NCAPG: variants seen among roughly 807,000 people sequenced by gnomAD.
The protein encoded by NCAPG is condensin complex subunit 3.
NCAPG carries 69 observed loss-of-function variants against 113.1 expected under a neutral mutation model. The ratio of observed to expected loss-of-function variants is 0.61; its 90% CI spans 0.50 to 0.75. The LOEUF (loss-of-function observed/expected upper bound fraction) is 0.75, where lower values mean the gene tolerates loss of function less well. Among genes scored for constraint, NCAPG ranks in the 30% least tolerant of loss-of-function variants. The pLI, the probability that NCAPG is intolerant of heterozygous loss-of-function variation, is 0.00. For synonymous variants in NCAPG, 370 were observed against 415.8 expected, an observed-to-expected ratio of 0.89 and a Z score of 1.34; for missense variants, 1,058 against 1,177.0, an observed-to-expected ratio of 0.90 and a Z score of 1.48.
intron 19 of NCAPG, chr4:17,841,633 C>T (rs940937461): frequency 3.3e-5 from 5 of 151,756 alleles, no homozygotes; most frequent in Non-Finnish European, 5.9e-5. Context: ...ATGAGAACAC[C>T]ATCCTTTTTA....
intron 12 of NCAPG, among the ~76,000 whole-genome samples, chr4:17,829,973 C>A (rs761368161): frequency 6.6e-6 from 1 of 152,118 alleles, no homozygotes; most frequent in Non-Finnish European, 1.5e-5. Context: ...TGGAAGGTGA[C>A]CCTGGTCTGA....
chr4:17,826,349 G>A (rs997351108), intron 11 of NCAPG, among the ~76,000 whole-genome samples: 7 of 151,992 alleles, frequency 4.6e-5, no homozygotes, highest in Non-Finnish European at 1.0e-4. Flanking sequence ...TGCTAAATAG[G>A]AGACTCTTTT....
chr4:17,815,447 C>A, intron 5 of NCAPG, 89 bp downstream of exon 5: 2 of 870,852 alleles, frequency 2.3e-6, no homozygotes, highest in Non-Finnish European at 3.5e-6. Context: ...CAAATCAGGT[C>A]AAGTAAGCCT....
Position 17,834,302 on chromosome 4 carries a change from T to C in NCAPG, c.1888T>C (p.Leu630=). 6.3e-7 allele frequency: 1 copy of C among 1,578,218 alleles called. No homozygotes were observed. The highest frequency in any genetic ancestry group is 8.6e-7 in the Non-Finnish European group (1 of 1,162,778). Residue 630 remains leucine (L), a synonymous_variant, in exon 14 of 21, where the codon TTG becomes CTG. Coordinates refer to ENST00000251496, the MANE Select transcript of NCAPG (RefSeq NM_022346.5). ...GGTGGGGAATATCTTGATTTAGGTT[T>C]TGCAAATTGATGATGTCACAATAAA... The part of the protein sequence containing the change: ...RKHFVLLLQV[L]QIDDVTIKIS...
chr4:17,820,616 A>T (rs150123834), intron 7 of NCAPG, among the ~76,000 whole-genome samples: 2 of 152,288 alleles, frequency 1.3e-5, no homozygotes, highest in African/African-American at 2.4e-5. Context: ...AAAACAAAAA[A>T]AAGAAAACTT....
intron 16 of NCAPG, among the ~76,000 whole-genome samples, chr4:17,838,959 A>G (rs1228705057): frequency 1.3e-5 from 2 of 152,178 alleles, no homozygotes; most frequent in East Asian, 3.9e-4. Context: ...AAGTACTAGA[A>G]AGTAATAGTA....
At chr4:17,817,122 T>C (rs1423762865) in intron 5 of NCAPG, 139 bp from the exon 6 acceptor site, 6 of 612,478 alleles carry the variant, frequency 9.8e-6, no homozygotes, top group African/African-American at 1.9e-5. Flanking sequence ...AAAAAATATA[T>C]ATATACATGC....
chr4:17,816,974 G>T (rs926817990), intron 5 of NCAPG, among the ~76,000 whole-genome samples: 2 of 152,050 alleles, frequency 1.3e-5, no homozygotes, highest in African/African-American at 4.8e-5. Flanking sequence ...TTAGCTGGGC[G>T]TGGTGGCGCA....
rs768979857 is a variant in NCAPG, at chr4:17,822,996, A to T, written c.1132A>T (p.Ile378Phe). 6.2e-7 allele frequency: 1 copy of T among 1,602,036 alleles called. No homozygotes were observed. The highest frequency in any genetic ancestry group is 1.8e-5 in the Admixed American group (1 of 56,756). Residue 378 changes from isoleucine (I) to phenylalanine (F), a missense_variant, in exon 8 of 21, where the codon ATT becomes TTT. Ile to Phe is a conservative substitution (Grantham distance 21, BLOSUM62 0). Transcript: ENST00000251496. ...TGCTTGTTTTAGTTACATCCAGAGC[A>T]TTCCAGTTGTTAATGAAGAACACAG... ...ADYLLSYIQS[I>F]PVVNEEHRGD...
rs887839213 is a variant in NCAPG, at chr4:17,843,660, T to C, written c.*235T>C. ...GATTTATCACAATCTGAGGTGGGCC[T>C]AGGAATCTCATTTTTAAATAGTCTC... is the stretch of plus-strand genomic sequence containing the variant. On this transcript the variant is annotated 3_prime_UTR_variant, in exon 21 of 21. Coordinates refer to ENST00000251496, the MANE Select transcript of NCAPG (RefSeq NM_022346.5). The C allele has an allele frequency of 6.2e-6, 2 of 322,698 alleles. No individual in the cohort carries two copies. Among genetic ancestry groups the C allele is most frequent in the African/African-American group, 4.2e-5 (2 of 47,844 alleles). The allele number at this position is 322,698 out of a possible 1,614,324, so 20.0% of individuals were successfully genotyped here.
At chr4:17,843,267 G>A (rs1722599036) in intron 20 of NCAPG, 35 bp from the exon 21 acceptor site, 1 of 1,587,250 alleles carries the variant, frequency 6.3e-7, no homozygotes, top group Non-Finnish European at 8.6e-7. Flanking sequence ...TTTAAAGCTT[G>A]TATCTAAATT....
intron 9 of NCAPG, 43 bp from the exon 10 acceptor site, chr4:17,824,925 G>A (rs765243750): frequency 7.3e-7 from 1 of 1,373,796 alleles, no homozygotes; most frequent in East Asian, 2.3e-5. Context: ...ACTATTTGCT[G>A]ATATATCAAA....
chr4:17,839,063 ACT>A (rs1722221756), intron 16 of NCAPG, among the ~76,000 whole-genome samples: 1 of 152,122 alleles, frequency 6.6e-6, no homozygotes, highest in Non-Finnish European at 1.5e-5. Flanking sequence ...GTCCAGGAAA[ACT>A]CTAAGTATGT....
rs900492647 is a variant in NCAPG at position 17,843,622 on chromosome 4, A to AGTC, written c.*198_*200dup. The AGTC allele has an allele frequency of 1.6e-5, 7 of 440,226 alleles. No homozygotes were observed. Among genetic ancestry groups the AGTC allele is most frequent in the African/African-American group, 1.2e-4 (6 of 50,646 alleles). The allele number at this position is 440,226 out of a possible 1,614,324, so 27.3% of individuals were successfully genotyped here. A position where few individuals can be genotyped will look rare whatever the true frequency, so the allele number is the denominator to read the frequency against. On this transcript the variant is annotated 3_prime_UTR_variant, in exon 21 of 21. Transcript: ENST00000251496. ...TTATAGTCCAGAAAAAGTGTGCATCAGTCAGTCACACAGATTTATCACAAT... is the reference window on the plus strand; with the variant it reads ...TTATAGTCCAGAAAAAGTGTGCATCAGTCGTCAGTCACACAGATTTATCACAAT...
intron 7 of NCAPG, among the ~76,000 whole-genome samples, chr4:17,819,006 G>A (rs1413680466): frequency 1.3e-5 from 2 of 152,044 alleles, no homozygotes; most frequent in Non-Finnish European, 2.9e-5. Flanking sequence ...AAACAATATA[G>A]GGTGTATATT....
chr4:17,843,277 T>A, intron 20 of NCAPG, 25 bp from the exon 21 acceptor site: 2 of 1,596,064 alleles, frequency 1.3e-6, no homozygotes, highest in South Asian at 2.3e-5. Flanking sequence ...GTATCTAAAT[T>A]CGTGTATTTT....
chr4:17,813,888 T>A (rs1301158735), intron 3 of NCAPG, among the ~76,000 whole-genome samples: 1 of 152,176 alleles, frequency 6.6e-6, no homozygotes, highest in East Asian at 1.9e-4. Flanking sequence ...CTATTACCAG[T>A]TTTATAATCA....
At chr4:17,842,087 ACTC>A (rs1722465750) in intron 19 of NCAPG, 2 of 431,022 alleles carry the variant, frequency 4.6e-6, no homozygotes, top group Admixed American at 3.8e-5. Context: ...ATTTTCCCTT[ACTC>A]ATTATTAGTG....
In NCAPG at chr4:17,837,140, T is replaced by C; in HGVS notation, c.2110-19T>C. ...GGAGATACAAATAAATTTCTTCTAA[T>C]GAATGTCATCTTTGTTAGGTATCTG... On this transcript the variant is annotated intron_variant, in intron 14 of 20. Transcript: ENST00000251496. 2 of 1,608,124 alleles carry C rather than the reference T, an allele frequency of 1.2e-6. No individual in the cohort carries two copies. The highest frequency in any genetic ancestry group is 8.5e-7 in the Non-Finnish European group (1 of 1,176,648).
Sources: allele counts gnomAD v4.1 joint callset (sites outside exome capture counted in the v4.1 genomes callset), GRCh38; gene constraint gnomAD v4.1.1; transcripts MANE v1.5; gene names NCBI Gene and HGNC (gene_info 2026-07-23, HGNC 2026-07-21).